The following GAPVD1 variants were observed in gnomAD, a reference collection of about 807,000 sequenced individuals.
GAPVD1 encodes GTPase-activating protein and VPS9 domain-containing protein 1.
Under a neutral mutation model 155.5 loss-of-function variants are expected in GAPVD1, and 35 were observed. The ratio of observed to expected loss-of-function variants is 0.23; its 90% CI spans 0.17 to 0.30. GAPVD1 has a LOEUF of 0.30. Among genes scored for constraint, GAPVD1 ranks in the 10% least tolerant of loss-of-function variants. The pLI is 1.00. For synonymous variants in GAPVD1, 636 were observed against 619.7 expected, an observed-to-expected ratio of 1.03 and a Z score of -0.39; for missense variants, 1,429 against 1,775.7, an observed-to-expected ratio of 0.80 and a Z score of 3.51.
chr9:125,330,313 T>G (rs1845899223), intron 13 of GAPVD1, 95 bp downstream of exon 13: 1 of 790,484 alleles, frequency 1.3e-6, no homozygotes, highest in Non-Finnish European at 1.9e-6. Context: ...TTTTGTCAAA[T>G]ACACTTTTTT....
At chr9:125,352,997 A>G (rs1849530091) in intron 23 of GAPVD1, among the ~76,000 whole-genome samples, 1 of 152,078 alleles carries the variant, frequency 6.6e-6, no homozygotes, top group African/African-American at 2.4e-5. Context: ...AATCCTAGCT[A>G]CTTGGGAGGC....
At chr9:125,332,195 T>C (rs1274234461) in intron 14 of GAPVD1, 135 bp downstream of exon 14, 1 of 869,974 alleles carries the variant, frequency 1.1e-6, no homozygotes, top group African/African-American at 1.7e-5. Context: ...CTTATTTCCA[T>C]TGCACCTGAA....
intron 2 of GAPVD1, among the ~76,000 whole-genome samples, chr9:125,286,475 GTT>G (rs562488032): frequency 2.1e-5 from 3 of 145,270 alleles, no homozygotes; most frequent in Non-Finnish European, 3.0e-5. Flanking sequence ...TCAAAGTCTA[GTT>G]TTTTTTTTTT....
intron 1 of GAPVD1, chr9:125,263,974 A>T: frequency 7.2e-7 from 1 of 1,394,868 alleles, no homozygotes; most frequent in Non-Finnish European, 1.0e-6. Context: ...CCTTCATGAC[A>T]TGAAGGTTGG....
At chr9:125,279,820 G>A (rs1430181845) in intron 2 of GAPVD1, among the ~76,000 whole-genome samples, 10 of 150,506 alleles carry the variant, frequency 6.6e-5, no homozygotes, top group Admixed American at 5.3e-4. Context: ...GAGTACAATG[G>A]CGAGATCTTG....
intron 10 of GAPVD1, among the ~76,000 whole-genome samples, chr9:125,322,912 G>T (rs1457642323): frequency 6.6e-6 from 1 of 151,878 alleles, no homozygotes; most frequent in Non-Finnish European, 1.5e-5. Flanking sequence ...AATTAGCTGG[G>T]TGTGGCAGCG....
intron 15 of GAPVD1, among the ~76,000 whole-genome samples, chr9:125,335,508 T>G (rs1846780966): frequency 6.6e-6 from 1 of 152,012 alleles, no homozygotes; most frequent in African/African-American, 2.4e-5. Context: ...AAACCCCATC[T>G]CTACTAAAAA....
chr9:125,265,493 C>G (rs1184383754), intron 1 of GAPVD1, among the ~76,000 whole-genome samples: 1 of 151,774 alleles, frequency 6.6e-6, no homozygotes, highest in Admixed American at 6.6e-5. Flanking sequence ...TCACTGAAAC[C>G]TCTGCCTCCC....
intron 2 of GAPVD1, among the ~76,000 whole-genome samples, chr9:125,288,390 T>C (rs1032858087): frequency 2.6e-5 from 4 of 151,760 alleles, no homozygotes; most frequent in African/African-American, 9.7e-5. Context: ...GATTACAGGC[T>C]TGAGCCACTG....
chr9:125,350,786 T>A lies in GAPVD1; in HGVS notation c.3483T>A (p.Ala1161=). ...ATTTACAAGATAAGAATCTAATGGCTCAACTTCAAGAAACAATGCGCTGTG... is the reference window on the plus strand; with the variant it reads ...ATTTACAAGATAAGAATCTAATGGCACAACTTCAAGAAACAATGCGCTGTG... ...AINLQDKNLM[A]QLQETMRCVC... The change falls in exon 23 of 28, where the codon GCT becomes GCA. Residue 1161 remains alanine (A), a synonymous_variant. Coordinates refer to ENST00000297933, the MANE Select transcript of GAPVD1 (RefSeq NM_001282680.3). The A allele has an allele frequency of 6.2e-7, 1 of 1,607,934 alleles. No individual in the cohort carries two copies. Among genetic ancestry groups the A allele is most frequent in the Non-Finnish European group, 8.5e-7 (1 of 1,174,338 alleles).
chr9:125,277,589 C>T (rs1214555395), intron 2 of GAPVD1, among the ~76,000 whole-genome samples: 1 of 152,048 alleles, frequency 6.6e-6, no homozygotes, highest in African/African-American at 2.4e-5. Context: ...CTGTCTTGTT[C>T]ATCAGTGCTT....
chr9:125,302,892 G>A, intron 5 of GAPVD1, 66 bp downstream of exon 5: 3 of 1,519,408 alleles, frequency 2.0e-6, no homozygotes, highest in Admixed American at 4.3e-5. Flanking sequence ...GGCTGTGGGG[G>A]TGGGAACAAA....
intron 19 of GAPVD1, among the ~76,000 whole-genome samples, chr9:125,343,629 CCTG>C (rs1848130871): frequency 1.3e-5 from 2 of 152,274 alleles, no homozygotes; most frequent in South Asian, 4.1e-4. Context: ...GCCACAGTTC[CCTG>C]CTGAGAGCAG....
chr9:125,330,368 G>T, intron 13 of GAPVD1, 150 bp downstream of exon 13: 3 of 497,236 alleles, frequency 6.0e-6, no homozygotes, highest in Non-Finnish European at 1.0e-5. Context: ...ACCCAGGCTG[G>T]AGTGCTGTGG....
At chr9:125,298,758 GATTA>G (rs1255412569) in intron 3 of GAPVD1, 128 bp from the exon 4 acceptor site, 2 of 511,474 alleles carry the variant, frequency 3.9e-6, no homozygotes, top group Admixed American at 7.3e-5. Context: ...AAAGTGCTGG[GATTA>G]TAGGCATGAG....
intron 3 of GAPVD1, among the ~76,000 whole-genome samples, chr9:125,298,020 A>G (rs1398463607): frequency 6.6e-6 from 1 of 152,174 alleles, no homozygotes; most frequent in East Asian, 1.9e-4. Context: ...TGCTGGGATT[A>G]CATGCGTGAG....
At chr9:125,347,119 G>C (rs1848611921) in intron 20 of GAPVD1, 178 bp downstream of exon 20, 1 of 645,646 alleles carries the variant, frequency 1.5e-6, no homozygotes, top group Non-Finnish European at 2.7e-6. Context: ...TCTCCCACTA[G>C]CCCTGGGTAC....
chr9:125,330,542 A>T (rs533838773), intron 13 of GAPVD1, among the ~76,000 whole-genome samples: 21 of 152,060 alleles, frequency 1.4e-4, no homozygotes, highest in Middle Eastern at 3.4e-3. Context: ...GTCTTGAACT[A>T]CTGACCTCAG....
intron 11 of GAPVD1, 117 bp downstream of exon 11, chr9:125,324,040 C>T (rs41316946): frequency 1.9e-5 from 15 of 799,268 alleles, no homozygotes; most frequent in Admixed American, 5.0e-5. Flanking sequence ...CACCATTAAA[C>T]TTAACATTTA....
Sources: allele counts gnomAD v4.1 joint callset (sites outside exome capture counted in the v4.1 genomes callset), GRCh38; gene constraint gnomAD v4.1.1; transcripts MANE v1.5; gene names NCBI Gene and HGNC (gene_info 2026-07-23, HGNC 2026-07-21).